DCC: variants seen among roughly 807,000 people sequenced by gnomAD.
DCC encodes the protein netrin receptor DCC.
In DCC, 58 loss-of-function variants were observed where a neutral mutation model predicts 172.5. That is an observed-to-expected ratio of 0.34 (90% CI 0.27 to 0.42). The LOEUF (loss-of-function observed/expected upper bound fraction) is 0.42, where lower values mean the gene tolerates loss of function less well. Among genes scored for constraint, DCC ranks in the 10% least tolerant of loss-of-function variants. DCC has a pLI of 1.00. For synonymous variants in DCC, 709 were observed against 644.5 expected (o/e 1.10, Z -1.52); for missense variants, 1,740 against 1,791.0 (o/e 0.97, Z 0.51).
chr18:53,322,874 G>A (rs1306541705), intron 14 of DCC, among the ~76,000 whole-genome samples: 1 of 151,714 alleles, frequency 6.6e-6, no homozygotes, highest in Non-Finnish European at 1.5e-5. Flanking sequence ...TAGAATTAGA[G>A]TTAGAAATTT....
intron 5 of DCC, among the ~76,000 whole-genome samples, chr18:52,930,022 G>C (rs1249949388): frequency 6.6e-6 from 1 of 151,980 alleles, no homozygotes; most frequent in Non-Finnish European, 1.5e-5. Flanking sequence ...GTCTTGCTCT[G>C]TTGTGGCCTT....
intron 1 of DCC, among the ~76,000 whole-genome samples, chr18:52,364,358 CTCA>C (rs919242118): frequency 2.1e-4 from 31 of 149,112 alleles, no homozygotes; most frequent in African/African-American, 6.7e-4. Flanking sequence ...ATATAAATCA[CTCA>C]TCGTTACATG....
At chr18:53,174,869 A>C (rs1381113242) in intron 8 of DCC, among the ~76,000 whole-genome samples, 33 of 150,638 alleles carry the variant, frequency 2.2e-4, no homozygotes, top group Middle Eastern at 7.0e-3. Flanking sequence ...CAGAGACACA[A>C]CAAAAAAAGA....
chr18:53,260,714 C>T (rs981918752), intron 12 of DCC, among the ~76,000 whole-genome samples: 3 of 152,158 alleles, frequency 2.0e-5, no homozygotes, highest in Non-Finnish European at 2.9e-5. Context: ...GGGAGAACCA[C>T]TACTCTCTTC....
intron 7 of DCC, among the ~76,000 whole-genome samples, chr18:53,105,373 C>T (rs1009923245): frequency 1.8e-4 from 28 of 152,076 alleles, no homozygotes; most frequent in Admixed American, 9.2e-4. Flanking sequence ...ATTTATTTCC[C>T]GAGCTTATCT....
intron 5 of DCC, among the ~76,000 whole-genome samples, chr18:53,057,121 TGGG>T (rs985608526): frequency 7.0e-6 from 1 of 142,800 alleles, no homozygotes. Flanking sequence ...TTCACCTATA[TGGG>T]GTGTTGCTGA....
At chr18:52,606,879 G>A (rs918954943) in intron 1 of DCC, among the ~76,000 whole-genome samples, 4 of 152,146 alleles carry the variant, frequency 2.6e-5, no homozygotes, top group Non-Finnish European at 4.4e-5. Context: ...TATCAGAGCT[G>A]TGATGACTTC....
rs185382757 is a variant in DCC at position 53,089,736 on chromosome 18, G to A, written c.1261+23570G>A. The stretch of plus-strand genomic sequence containing the variant: ...TCGTGGTTATACTTTAAGAAAATTG[G>A]GCCTAACTTTCTAAGTGCTTTGAAG... On this transcript the variant is annotated intron_variant, in intron 7 of 28. Coordinates refer to ENST00000442544, the MANE Select transcript of DCC (RefSeq NM_005215.4). Among the ~76,000 whole-genome samples the A allele has an allele frequency of 5.5e-3, 844 of 152,110 alleles. 4 individuals are homozygous for A. Among genetic ancestry groups the A allele is most frequent in the Non-Finnish European group, 8.5e-3 (579 of 67,990 alleles).
chr18:53,427,694 C>G (rs1599136865), intron 21 of DCC, among the ~76,000 whole-genome samples: 1 of 149,942 alleles, frequency 6.7e-6, no homozygotes, highest in African/African-American at 2.4e-5. Context: ...TCCTTTGGTT[C>G]CCTAATATTT....
intron 2 of DCC, among the ~76,000 whole-genome samples, chr18:52,883,350 A>ATATGTGTGTG (rs1270659885): frequency 2.9e-5 from 1 of 34,108 alleles, no homozygotes; most frequent in African/African-American, 7.5e-5. Flanking sequence ...TTATTTATTT[A>ATATGTGTGTG]TGTGTGTGTG....
At chr18:52,711,839 C>A (rs2036297198) in intron 1 of DCC, among the ~76,000 whole-genome samples, 2 of 152,166 alleles carry the variant, frequency 1.3e-5, no homozygotes, top group African/African-American at 4.8e-5. Flanking sequence ...GCTAACAATG[C>A]CTGACTTTTC....
intron 26 of DCC, among the ~76,000 whole-genome samples, chr18:53,495,004 CA>C (rs1485989230): frequency 2.0e-5 from 3 of 152,046 alleles, no homozygotes; most frequent in South Asian, 4.1e-4. Flanking sequence ...CTGGTGGTGA[CA>C]AAAATCTCTC....
At chr18:52,734,100 T>G (rs1465497913) in intron 1 of DCC, among the ~76,000 whole-genome samples, 1 of 152,162 alleles carries the variant, frequency 6.6e-6, no homozygotes, top group Non-Finnish European at 1.5e-5. Context: ...TATCTTAGGT[T>G]GCCTAGAACA....
At chr18:53,267,630 T>C (rs1401712277) in intron 12 of DCC, among the ~76,000 whole-genome samples, 1 of 152,110 alleles carries the variant, frequency 6.6e-6, no homozygotes, top group Non-Finnish European at 1.5e-5. Context: ...AACTAATTTT[T>C]TTTAGTTTTA....
At chr18:52,483,036 T>C (rs1279343084) in intron 1 of DCC, among the ~76,000 whole-genome samples, 1 of 152,136 alleles carries the variant, frequency 6.6e-6, no homozygotes, top group Non-Finnish European at 1.5e-5. Context: ...ATAATCCTCC[T>C]TTGCCTCTTC....
At chr18:52,560,097 A>G (rs2033002667) in intron 1 of DCC, among the ~76,000 whole-genome samples, 3 of 152,184 alleles carry the variant, frequency 2.0e-5, no homozygotes, top group Admixed American at 2.0e-4. Context: ...TTAGTTATTT[A>G]TTGGTTTAAG....
intron 1 of DCC, among the ~76,000 whole-genome samples, chr18:52,470,281 C>T (rs927159904): frequency 9.9e-5 from 15 of 152,118 alleles, no homozygotes; most frequent in Non-Finnish European, 2.2e-4. Context: ...CAAATATGTA[C>T]AAAAGAACAT....
chr18:52,424,632 AC>A (rs751158818), intron 1 of DCC, among the ~76,000 whole-genome samples: 9 of 152,114 alleles, frequency 5.9e-5, no homozygotes, highest in Non-Finnish European at 1.2e-4. Flanking sequence ...CAGCCCTCCA[AC>A]TAGGCAACAG....
intron 15 of DCC, among the ~76,000 whole-genome samples, chr18:53,369,219 T>C (rs2058035088): frequency 6.6e-6 from 1 of 151,990 alleles, no homozygotes; most frequent in Admixed American, 6.6e-5. Flanking sequence ...TTTTTGTAAT[T>C]TCTTTTTCAG....
Sources: gnomAD v4.1 joint callset for allele counts (sites outside exome capture counted in the v4.1 genomes callset) on GRCh38, gnomAD v4.1.1 for gene constraint, MANE v1.5 for transcripts, NCBI Gene and HGNC (gene_info 2026-07-23, HGNC 2026-07-21) for gene names.